The following EYS variants were observed in gnomAD, a reference collection of about 807,000 sequenced individuals.
EYS encodes the protein EGF-like photoreceptor maintenance factor.
Under a neutral mutation model 282.1 loss-of-function variants are expected in EYS, and 250 were observed. That is an observed-to-expected ratio of 0.89 (90% CI 0.80 to 0.98). The LOEUF (loss-of-function observed/expected upper bound fraction) is 0.98, where lower values mean the gene tolerates loss of function less well. Among genes scored for constraint, EYS ranks in the 50% least tolerant of loss-of-function variants. The pLI is 0.00. For missense variants in EYS, 4,016 were observed against 3,709.0 expected (o/e 1.08, Z -2.15); for synonymous variants, 1,355 against 1,282.9 (o/e 1.06, Z -1.20).
chr6:64,117,115 A>G (rs1184158696), intron 31 of EYS, among the ~76,000 whole-genome samples: 1 of 152,040 alleles, frequency 6.6e-6, no homozygotes, highest in Non-Finnish European at 1.5e-5. Context: ...TGAACAAAGC[A>G]CACCTTCCTC....
intron 11 of EYS, among the ~76,000 whole-genome samples, chr6:65,324,197 G>A (rs989776138): frequency 6.6e-5 from 10 of 151,602 alleles, no homozygotes; most frequent in East Asian, 3.9e-4. Flanking sequence ...TGTTTTTCCC[G>A]TGGTATTTGT....
At chr6:64,838,872 A>C (rs575951172) in intron 19 of EYS, among the ~76,000 whole-genome samples, 28 of 152,034 alleles carry the variant, frequency 1.8e-4, no homozygotes, top group African/African-American at 6.5e-4. Flanking sequence ...CCTATGATAC[A>C]ATTTTTTGCA....
intron 28 of EYS, chr6:64,412,644 AGTGT>A (rs951256898): frequency 4.6e-5 from 7 of 152,154 alleles, no homozygotes; most frequent in Admixed American, 3.3e-4. Context: ...AGGAACCTCA[AGTGT>A]GTCAGCTGTG....
At chr6:65,344,242 T>C in intron 9 of EYS, 65 bp from the exon 10 acceptor site, 12 of 1,295,350 alleles carry the variant, frequency 9.3e-6, no homozygotes, top group South Asian at 2.4e-5. Flanking sequence ...AATGAATTAT[T>C]AAGGACTGTG....
chr6:65,321,873 T>C (rs1447913823), intron 11 of EYS, among the ~76,000 whole-genome samples: 1 of 152,182 alleles, frequency 6.6e-6, no homozygotes, highest in Non-Finnish European at 1.5e-5. Flanking sequence ...GGAAAGTTAG[T>C]GAAGGAGAAA....
At chr6:65,605,775 CAAGCT>C (rs1765766054) in intron 2 of EYS, among the ~76,000 whole-genome samples, 1 of 151,322 alleles carries the variant, frequency 6.6e-6, no homozygotes, top group Non-Finnish European at 1.5e-5. Context: ...GTGAAAAAGG[CAAGCT>C]ATGAAAAATT....
chr6:64,339,771 G>T (rs1279646607), intron 29 of EYS, among the ~76,000 whole-genome samples: 1 of 151,828 alleles, frequency 6.6e-6, no homozygotes, highest in Non-Finnish European at 1.5e-5. Context: ...TGAGATTGGA[G>T]ACTATTATTT....
At position 64,672,000 on chromosome 6, in the gene EYS, T is replaced by C. The variant is rs1583023421; in HGVS notation, c.3444-45755A>G. On this transcript the variant is annotated intron_variant, in intron 22 of 42. Transcript: ENST00000503581. ...GTATCTTCAAAGCGCAATTATTTTA[T>C]TGAATTCTTAGAAGAAATTAAAATG... Among the ~76,000 whole-genome samples, 15 of 152,320 alleles carry C rather than the reference T, an allele frequency of 9.8e-5. No homozygotes were observed. In the South Asian group the frequency reaches 3.1e-3, roughly 32 times the overall value.
intron 12 of EYS, among the ~76,000 whole-genome samples, chr6:65,261,795 A>C (rs1014239026): frequency 1.3e-5 from 2 of 152,002 alleles, no homozygotes; most frequent in Non-Finnish European, 2.9e-5. Context: ...TCAATAGTTA[A>C]CTTTATTTGC....
At chr6:65,622,646 A>C (rs2149802965) in intron 2 of EYS, among the ~76,000 whole-genome samples, 1 of 152,262 alleles carries the variant, frequency 6.6e-6, no homozygotes, top group South Asian at 2.1e-4. Flanking sequence ...TTGGAGAAAA[A>C]CGTACTTCAA....
intron 26 of EYS, among the ~76,000 whole-genome samples, chr6:64,548,787 C>G (rs1209755568): frequency 6.6e-6 from 1 of 151,950 alleles, no homozygotes; most frequent in Non-Finnish European, 1.5e-5. Flanking sequence ...ATGTAACAAA[C>G]CTGCACGTTG....
At chr6:64,954,588 C>A (rs910747043) in intron 14 of EYS, among the ~76,000 whole-genome samples, 9 of 151,898 alleles carry the variant, frequency 5.9e-5, no homozygotes, top group African/African-American at 2.2e-4. Context: ...GGTCTGAGAG[C>A]CAAATGACAA....
At chr6:63,726,017 T>A (rs1336343030) in intron 42 of EYS, among the ~76,000 whole-genome samples, 3 of 152,146 alleles carry the variant, frequency 2.0e-5, no homozygotes, top group Non-Finnish European at 4.4e-5. Context: ...ACTAATTGGA[T>A]ACTTTATTTC....
At chr6:64,484,459 C>T (rs1776525050) in intron 26 of EYS, among the ~76,000 whole-genome samples, 1 of 151,542 alleles carries the variant, frequency 6.6e-6, no homozygotes, top group Admixed American at 6.6e-5. Flanking sequence ...GAAGGGCCCA[C>T]TCCAACGCTT....
intron 28 of EYS, among the ~76,000 whole-genome samples, chr6:64,421,789 C>T (rs2150451963): frequency 6.6e-6 from 1 of 151,414 alleles, no homozygotes; most frequent in East Asian, 1.9e-4. Flanking sequence ...TTAGTGTTTT[C>T]AAATATTTCA....
intron 9 of EYS, among the ~76,000 whole-genome samples, chr6:65,350,314 G>T (rs1024026836): frequency 2.0e-5 from 3 of 151,244 alleles, no homozygotes; most frequent in African/African-American, 7.3e-5. Flanking sequence ...CACAAAAATC[G>T]TTTAAAATTT....
At chr6:65,360,603 A>G (rs1231496923) in intron 8 of EYS, among the ~76,000 whole-genome samples, 2 of 152,178 alleles carry the variant, frequency 1.3e-5, no homozygotes, top group Admixed American at 6.6e-5. Flanking sequence ...TCCATAAATC[A>G]CAGTAGTTGC....
At chr6:65,603,402 T>G (rs1324843048) in intron 2 of EYS, among the ~76,000 whole-genome samples, 1 of 152,010 alleles carries the variant, frequency 6.6e-6, no homozygotes, top group East Asian at 1.9e-4. Context: ...AATATCTCTG[T>G]AAGGTGTATG....
intron 14 of EYS, among the ~76,000 whole-genome samples, chr6:64,980,023 A>G (rs1014700935): frequency 1.3e-5 from 2 of 151,534 alleles, no homozygotes; most frequent in African/African-American, 2.4e-5. Flanking sequence ...GTATAATAGA[A>G]TCTCCTTCCA....
Sources: allele counts gnomAD v4.1 joint callset (sites outside exome capture counted in the v4.1 genomes callset), GRCh38; gene constraint gnomAD v4.1.1; transcripts MANE v1.5; gene names NCBI Gene and HGNC (gene_info 2026-07-23, HGNC 2026-07-21).